SUMF1: variants seen among roughly 807,000 people sequenced by gnomAD.
SUMF1 encodes the protein sulfatase modifying factor 1.
Under a neutral mutation model 47.6 loss-of-function variants are expected in SUMF1, and 48 were observed. The ratio of observed to expected loss-of-function variants is 1.01; its 90% confidence interval spans 0.80 to 1.28. The LOEUF (loss-of-function observed/expected upper bound fraction) is 1.28. Among genes scored for constraint, SUMF1 ranks in the 50% most tolerant of loss-of-function variants. The pLI is 0.00. For synonymous variants in SUMF1, 230 were observed against 192.1 expected (o/e 1.20, Z -1.63); for missense variants, 571 against 485.4 (o/e 1.18, Z -1.66).
At chr3:4,107,967 G>A (rs771757351) in intron 8 of SUMF1, among the ~76,000 whole-genome samples, 61 of 152,042 alleles carry the variant, frequency 4.0e-4, no homozygotes, top group Non-Finnish European at 8.5e-4. Flanking sequence ...AAAGAGATAA[G>A]GAGGTCAGGA....
At chr3:4,290,706 C>G (rs1697723761) in intron 8 of SUMF1, among the ~76,000 whole-genome samples, 1 of 152,154 alleles carries the variant, frequency 6.6e-6, no homozygotes, top group South Asian at 2.1e-4. Flanking sequence ...TCTGGTTCTT[C>G]TTATTTTCTA....
At chr3:4,293,894 T>G (rs1305789093) in intron 8 of SUMF1, among the ~76,000 whole-genome samples, 1 of 152,212 alleles carries the variant, frequency 6.6e-6, no homozygotes, top group Non-Finnish European at 1.5e-5. Flanking sequence ...AATCCTTTCA[T>G]TCCTGCACAG....
At chr3:4,431,972 G>A (rs537461035) in intron 3 of SUMF1, among the ~76,000 whole-genome samples, 3 of 152,158 alleles carry the variant, frequency 2.0e-5, no homozygotes, top group African/African-American at 7.2e-5. Flanking sequence ...GGCAGTCCCT[G>A]TCATGTTCAG....
intron 8 of SUMF1, among the ~76,000 whole-genome samples, chr3:4,088,345 A>T (rs566856020): frequency 6.6e-6 from 1 of 152,258 alleles, no homozygotes; most frequent in South Asian, 2.1e-4. Context: ...TGCTTGGTCC[A>T]CCAGGTAAAC....
At chr3:4,252,000 A>C (rs1696813125) in intron 8 of SUMF1, among the ~76,000 whole-genome samples, 3 of 152,200 alleles carry the variant, frequency 2.0e-5, no homozygotes, top group African/African-American at 7.2e-5. Context: ...ACTTTATGAC[A>C]ATATTCAATT....
At chr3:4,313,013 G>A (rs6801634) in intron 8 of SUMF1, 219,157 of 1,613,536 alleles carry the variant, frequency 0.14, 15,561 homozygotes, top group Middle Eastern at 0.21. Context: ...TCCTGTCTCC[G>A]CCATGGAGAG....
At chr3:4,270,528 C>G (rs550716344) in intron 8 of SUMF1, among the ~76,000 whole-genome samples, 4 of 152,184 alleles carry the variant, frequency 2.6e-5, no homozygotes, top group East Asian at 3.9e-4. Flanking sequence ...ATAATTACAA[C>G]TCCTAATTCT....
At position 4,390,298 on chromosome 3, in the gene SUMF1, T is replaced by C. The variant is rs192996324; in HGVS notation, c.955-13909A>G. Among the ~76,000 whole-genome samples, 613 of 152,230 alleles carry C rather than the reference T, an allele frequency of 4.0e-3. 3 individuals carry two copies. Among genetic ancestry groups the C allele is most frequent in the African/African-American group, 5.1e-3 (213 of 41,528 alleles). Reference sequence around the variant, plus strand: ...AAGGTAGGGGTAACCACTTTACTAATAGACAATAAGAAAGACCTGGCTAGG... The same window carrying C: ...AAGGTAGGGGTAACCACTTTACTAACAGACAATAAGAAAGACCTGGCTAGG... On this transcript the variant is annotated intron_variant, in intron 7 of 8. Transcript: ENST00000272902.
intron 8 of SUMF1, among the ~76,000 whole-genome samples, chr3:4,190,995 T>C (rs918258377): frequency 3.3e-5 from 5 of 152,294 alleles, no homozygotes; most frequent in African/African-American, 1.2e-4. Flanking sequence ...TAAGACAGGT[T>C]ATTGAGTTCT....
chr3:4,035,164 T>C (rs1694771019), intron 9 of SUMF1, among the ~76,000 whole-genome samples: 2 of 152,174 alleles, frequency 1.3e-5, no homozygotes, highest in South Asian at 4.1e-4. Context: ...CAAAATGAAA[T>C]AGGCTATGCA....
chr3:4,197,122 G>A (rs920745203), intron 8 of SUMF1, among the ~76,000 whole-genome samples: 1 of 152,108 alleles, frequency 6.6e-6, no homozygotes, highest in Non-Finnish European at 1.5e-5. Flanking sequence ...AGAAAAGAGA[G>A]CAGTTTGGCT....
chr3:4,324,244 CACTG>C (rs1218562689), intron 8 of SUMF1, among the ~76,000 whole-genome samples: 2 of 152,086 alleles, frequency 1.3e-5, no homozygotes, highest in Non-Finnish European at 2.9e-5. Flanking sequence ...CAAAGACCTA[CACTG>C]ACTGAAGAAA....
chr3:4,442,294 C>T (rs975891921), intron 3 of SUMF1, among the ~76,000 whole-genome samples: 1 of 147,796 alleles, frequency 6.8e-6, no homozygotes, highest in African/African-American at 2.5e-5. Flanking sequence ...CTCGCTCTGT[C>T]GCCCAGGCTG....
chr3:4,092,767 G>A (rs927675613), intron 8 of SUMF1, among the ~76,000 whole-genome samples: 3 of 152,102 alleles, frequency 2.0e-5, no homozygotes, highest in Non-Finnish European at 1.5e-5. Context: ...TCTAGAGAGA[G>A]TCAAAGAATT....
intron 8 of SUMF1, among the ~76,000 whole-genome samples, chr3:4,136,432 A>G (rs1013617606): frequency 3.8e-4 from 58 of 152,252 alleles, no homozygotes; most frequent in African/African-American, 1.4e-3. Flanking sequence ...AGAAAGCTGA[A>G]ACTGGATCCC....
At chr3:4,115,536 G>A (rs1423932391) in intron 8 of SUMF1, among the ~76,000 whole-genome samples, 2 of 150,974 alleles carry the variant, frequency 1.3e-5, no homozygotes, top group African/African-American at 4.9e-5. Flanking sequence ...TGCTGCCTTG[G>A]GGTCAGAGCC....
At chr3:4,055,801 T>A (rs1317276946) in intron 9 of SUMF1, among the ~76,000 whole-genome samples, 1 of 152,156 alleles carries the variant, frequency 6.6e-6, no homozygotes, top group Non-Finnish European at 1.5e-5. Context: ...AGTTCTATAG[T>A]TCAGAATTCT....
intron 8 of SUMF1, among the ~76,000 whole-genome samples, chr3:4,245,734 A>G (rs1204898326): frequency 6.6e-6 from 1 of 152,128 alleles, no homozygotes; most frequent in Non-Finnish European, 1.5e-5. Flanking sequence ...CCATTATCAG[A>G]GCTTGAATGC....
rs1695363110 is a variant in SUMF1, at chr3:4,193,422, T to C, written c.1015-124677A>G. On this transcript the variant is annotated intron_variant and NMD_transcript_variant, in intron 8 of 12. Transcript: ENST00000448413. ...GAGGGGATCATAAGAATGCCTGAAT[T>C]TGCAGCCAGTTGATCAGAAGTGCAG... 2.0e-5 allele frequency among the ~76,000 whole-genome samples: 3 copies of C among 152,060 alleles called. No individual in the cohort carries two copies. The South Asian group carries it at 6.2e-4, about 31-fold the overall frequency.
Sources: gnomAD v4.1 joint callset for allele counts (sites outside exome capture counted in the v4.1 genomes callset) on GRCh38, gnomAD v4.1.1 for gene constraint, MANE v1.5 for transcripts, NCBI Gene and HGNC (gene_info 2026-07-23, HGNC 2026-07-21) for gene names.